Variants in SNX25 observed in about 807,000 individuals in gnomAD.
SNX25 encodes sorting nexin-25.
In SNX25, 62 loss-of-function variants were observed where a neutral mutation model predicts 113.7. That is an observed-to-expected ratio of 0.55 (90% CI 0.44 to 0.67). The LOEUF is 0.67. SNX25 is among the 30% of genes least tolerant of loss of function. The pLI is 0.00. For synonymous variants in SNX25, 421 were observed against 436.2 expected, an observed-to-expected ratio of 0.97 and a Z score of 0.43; for missense variants, 1,014 against 1,161.0, an observed-to-expected ratio of 0.87 and a Z score of 1.84.
At chr4:185,360,952 T>TAG (rs943101433) in intron 16 of SNX25, among the ~76,000 whole-genome samples, 2 of 146,252 alleles carry the variant, frequency 1.4e-5, no homozygotes, top group African/African-American at 5.1e-5. Context: ...TATATATATA[T>TAG]AGAATCTGTC....
chr4:185,234,599 G>A lies in SNX25; in HGVS notation c.430-12695G>A, dbSNP rs1348225959. 1.8e-4 allele frequency among the ~76,000 whole-genome samples: 5 copies of A among 27,088 alleles called. 2 individuals are homozygous for A. Among genetic ancestry groups the A allele is most frequent in the Non-Finnish European group, 2.7e-4 (3 of 11,038 alleles). The allele number at this position is 27,088 out of a possible 152,430, so 17.8% of individuals were successfully genotyped here. ...CGGGAGGCTGAGGCAGGAGAATGGC[G>A]TGAACCCAGGAGGCGGAGCTTGCAG... On this transcript the variant is annotated intron_variant, in intron 1 of 18. Coordinates refer to ENST00000652585, the MANE Select transcript of SNX25 (RefSeq NM_001378034.2).
At chr4:185,289,070 G>A (rs1681996183) in intron 6 of SNX25, among the ~76,000 whole-genome samples, 1 of 152,188 alleles carries the variant, frequency 6.6e-6, no homozygotes, top group South Asian at 2.1e-4. Flanking sequence ...ACAGAAGGTA[G>A]GAGCAAGTAC....
chr4:185,327,151 A>G (rs1203499174), intron 9 of SNX25, among the ~76,000 whole-genome samples: 1 of 152,236 alleles, frequency 6.6e-6, no homozygotes, highest in Non-Finnish European at 1.5e-5. Flanking sequence ...TACATGTTAC[A>G]CTGTTAACTT....
chr4:185,285,620 T>G (rs1751237794), intron 5 of SNX25, among the ~76,000 whole-genome samples: 1 of 152,240 alleles, frequency 6.6e-6, no homozygotes, highest in Non-Finnish European at 1.5e-5. Context: ...CAAGACAGCT[T>G]GACATACAGC....
intron 6 of SNX25, among the ~76,000 whole-genome samples, chr4:185,292,468 G>A (rs1239146981): frequency 1.3e-5 from 2 of 152,042 alleles, no homozygotes; most frequent in African/African-American, 2.4e-5. Context: ...ACACAATCTC[G>A]GCTCACTGCA....
intron 12 of SNX25, among the ~76,000 whole-genome samples, chr4:185,345,261 C>T (rs188575859): frequency 3.9e-5 from 6 of 152,166 alleles, no homozygotes; most frequent in African/African-American, 9.6e-5. Flanking sequence ...CCCTTCCTGT[C>T]GACAGCTGTG....
At chr4:185,335,985 T>G (rs2095227644) in intron 10 of SNX25, among the ~76,000 whole-genome samples, 2 of 152,202 alleles carry the variant, frequency 1.3e-5, no homozygotes, top group Non-Finnish European at 1.5e-5. Context: ...CCTTGCACAC[T>G]GCATATTCAG....
chr4:185,362,080 G>T lies in SNX25; in HGVS notation c.2808G>T (p.Gln936His). ...GTCAGGAAACAAAACAGAGAGCACA[G>T]CAAAAGCTGCTTGAAAACATTCCAG... ...EQSQETKQRA[Q>H]QKLLENIPDM... Residue 936 changes from glutamine (Q) to histidine (H), a missense_variant, in exon 17 of 19, where the codon CAG (glutamine) becomes CAT (histidine). Transcript: ENST00000652585. The T allele has an allele frequency of 6.2e-7, 1 of 1,613,558 alleles. No homozygotes were observed. The highest frequency in any genetic ancestry group is 8.5e-7 in the Non-Finnish European group (1 of 1,179,676).
the SNX25 span, chr4:185,378,096 T>C: frequency 6.2e-7 from 1 of 1,613,658 alleles, no homozygotes; most frequent in Non-Finnish European, 8.5e-7. Context: ...TTTTCCTTTT[T>C]CCACTGGAAA....
At chr4:185,355,292 C>G (rs542836368) in intron 15 of SNX25, among the ~76,000 whole-genome samples, 1 of 152,080 alleles carries the variant, frequency 6.6e-6, no homozygotes, top group Admixed American at 6.5e-5. Flanking sequence ...TGAGCCAAAG[C>G]TAAGAGAATA....
chr4:185,226,165 A>G (rs955190293), intron 1 of SNX25, among the ~76,000 whole-genome samples: 2 of 152,244 alleles, frequency 1.3e-5, no homozygotes, highest in Non-Finnish European at 2.9e-5. Flanking sequence ...GAGTTGGCAC[A>G]TAGCGTGAAA....
chr4:185,311,165 AG>A (rs1191023166), intron 7 of SNX25, among the ~76,000 whole-genome samples: 2 of 152,210 alleles, frequency 1.3e-5, no homozygotes, highest in African/African-American at 4.8e-5. Context: ...CCACCTATGA[AG>A]TAGGAGGCAT....
At chr4:185,287,402 A>G (rs1751490426) in intron 5 of SNX25, among the ~76,000 whole-genome samples, 1 of 152,202 alleles carries the variant, frequency 6.6e-6, no homozygotes, top group African/African-American at 2.4e-5. Context: ...GTTCTAAATG[A>G]GAAGCAATGA....
intron 12 of SNX25, 45 bp downstream of exon 12, chr4:185,342,161 A>G: frequency 6.8e-7 from 1 of 1,473,916 alleles, no homozygotes; most frequent in Non-Finnish European, 9.0e-7. Flanking sequence ...ACTGCACAAG[A>G]GCTCATTTCA....
intron 7 of SNX25, among the ~76,000 whole-genome samples, chr4:185,319,819 C>T (rs76228869): frequency 0.018 from 2,788 of 152,208 alleles, 79 homozygotes; most frequent in African/African-American, 0.063. Flanking sequence ...AGAGGTATTT[C>T]AGTTTACCAG....
At chr4:185,367,296 C>T (rs1579959012), downstream of SNX25, 18 of 1,373,376 alleles carry the variant, frequency 1.3e-5, no homozygotes, top group East Asian at 1.2e-4. Context: ...TTGTTTGGGT[C>T]TTTCTTCTTT....
chr4:185,209,923 C>T lies in SNX25; in HGVS notation c.97C>T (p.Arg33Trp). The change falls in exon 1 of 19, where the codon CGG becomes TGG. Residue 33 changes from arginine (R) to tryptophan (W), a missense_variant. By Grantham distance (101) the Arg-to-Trp change is moderately radical. Coordinates refer to ENST00000652585, the MANE Select transcript of SNX25 (RefSeq NM_001378034.2). This position sits in a 1 kb window ranked among gnomAD's most constrained non-coding sequence, Gnocchi z 5.2. ...TCCTGTCTCGGGCTTCAGGGGCGAG[C>T]GGCGGCCGGAGTCCCCGGGGGACGC... is the stretch of plus-strand genomic sequence containing the variant. ...GRPVSGFRGE[R>W]RPESPGDAEA... 1.0e-6 allele frequency: 1 copy of T among 983,186 alleles called. No individual in the cohort carries two copies. 60.9% of individuals were successfully genotyped at this position (983,186 alleles called of 1,614,324 possible).
At chr4:185,226,295 T>C (rs1740988636) in intron 1 of SNX25, among the ~76,000 whole-genome samples, 1 of 152,254 alleles carries the variant, frequency 6.6e-6, no homozygotes. Context: ...GCCAGGCATA[T>C]ACTTTTTTAG....
In SNX25 at chr4:185,310,616, T is replaced by C. The variant is rs371538878; in HGVS notation, c.1163-19T>C. The C allele has an allele frequency of 6.8e-6, 11 of 1,607,882 alleles. No homozygotes were observed. Among genetic ancestry groups the C allele is most frequent in the South Asian group, 1.1e-5 (1 of 89,684 alleles). On this transcript the variant is annotated intron_variant, in intron 6 of 18. Transcript: ENST00000652585. ...TGCCTTGTCCTCTGACCAGGTACTG[T>C]TTCTCACTCCTATTCAAGGTAAAGA...
Sources: allele counts gnomAD v4.1 joint callset (sites outside exome capture counted in the v4.1 genomes callset), GRCh38; gene constraint gnomAD v4.1.1; non-coding constraint Gnocchi (gnomAD v3.1); transcripts MANE v1.5; gene names NCBI Gene and HGNC (gene_info 2026-07-23, HGNC 2026-07-21).